Variants in LYRM4 observed in about 807,000 individuals in gnomAD.
LYRM4 encodes LYR motif containing 4.
LYRM4 carries 9 observed loss-of-function variants against 11.7 expected under a neutral mutation model. The observed-to-expected ratio is 0.77, with a 90% CI of 0.46 to 1.34. LYRM4 has a LOEUF of 1.34. Among genes scored for constraint, LYRM4 ranks in the 40% most tolerant of loss-of-function variants. The pLI is 0.00. For synonymous variants in LYRM4, 42 were observed against 40.4 expected (o/e 1.04, Z -0.15); for missense variants, 133 against 112.5 (o/e 1.18, Z -0.82).
chr6:5,059,260 G>C, the LYRM4 span, among the ~76,000 whole-genome samples: 2 of 151,072 alleles, frequency 1.3e-5, no homozygotes, highest in East Asian at 3.9e-4. Context: ...AGGATCCCTT[G>C]AGGCCAGAAG....
chr6:5,187,920 T>C (rs1464689700), intron 2 of LYRM4, among the ~76,000 whole-genome samples: 1 of 152,176 alleles, frequency 6.6e-6, no homozygotes, highest in Non-Finnish European at 1.5e-5. Flanking sequence ...ACACAATCTC[T>C]CTAAATGCAC....
chr6:5,049,145 A>T, the LYRM4 span, among the ~76,000 whole-genome samples: 4 of 152,120 alleles, frequency 2.6e-5, no homozygotes, highest in Admixed American at 2.0e-4. Context: ...CCGCTGTGAG[A>T]CAGACCTGGT....
chr6:5,059,698 T>G, the LYRM4 span, among the ~76,000 whole-genome samples: 194 of 152,104 alleles, frequency 1.3e-3, 1 homozygote, highest in African/African-American at 4.3e-3. Flanking sequence ...TTTCCTCATC[T>G]CCCTTTCCCT....
chr6:5,046,870 G>A, the LYRM4 span, among the ~76,000 whole-genome samples: 2 of 152,096 alleles, frequency 1.3e-5, no homozygotes, highest in Non-Finnish European at 2.9e-5. Context: ...AGGGTGGATC[G>A]CTTGAGCCCA....
At chr6:5,230,576 G>T (rs982582648) in intron 1 of LYRM4, among the ~76,000 whole-genome samples, 5 of 152,116 alleles carry the variant, frequency 3.3e-5, no homozygotes, top group African/African-American at 1.2e-4. Flanking sequence ...AATAATGTAA[G>T]ACATAGCCTT....
the LYRM4 span, among the ~76,000 whole-genome samples, chr6:5,090,326 G>A: frequency 6.6e-6 from 1 of 152,188 alleles, no homozygotes; most frequent in Non-Finnish European, 1.5e-5. This position sits in a 1 kb window ranked among gnomAD's most constrained non-coding sequence, Gnocchi z 4.8. Context: ...AGAAACATGG[G>A]CTGGGAATGT....
chr6:5,088,587 G>T, the LYRM4 span: 1 of 152,336 alleles, frequency 6.6e-6, no homozygotes, highest in South Asian at 2.1e-4. Context: ...GCAGAGACCA[G>T]ATGGCAAAGT....
intron 2 of LYRM4, among the ~76,000 whole-genome samples, chr6:5,116,591 A>C (rs1763128801): frequency 6.6e-6 from 1 of 152,200 alleles, no homozygotes; most frequent in South Asian, 2.1e-4. Context: ...AGGTAGTGCA[A>C]TTAACACCTT....
At chr6:5,233,589 T>C (rs1474855620) in intron 1 of LYRM4, among the ~76,000 whole-genome samples, 1 of 152,304 alleles carries the variant, frequency 6.6e-6, no homozygotes, top group Non-Finnish European at 1.5e-5. Flanking sequence ...AGTACCTTAC[T>C]TGAATCTCAC....
intron 2 of LYRM4, among the ~76,000 whole-genome samples, chr6:5,139,185 C>T (rs192835110): frequency 2.4e-4 from 36 of 152,328 alleles, no homozygotes; most frequent in Middle Eastern, 3.4e-3. Context: ...ATGACAATAG[C>T]TGGTGAGCGG....
chr6:5,251,849 T>C (rs1035589684), intron 1 of LYRM4, among the ~76,000 whole-genome samples: 6 of 152,142 alleles, frequency 3.9e-5, no homozygotes, highest in African/African-American at 1.2e-4. Context: ...CTTTGATGAG[T>C]GAGAGGGCTG....
intron 2 of LYRM4, chr6:5,112,996 T>C (rs1194565432): frequency 1.1e-5 from 2 of 178,458 alleles, no homozygotes; most frequent in African/African-American, 2.4e-5. Context: ...ATGCTCCACT[T>C]GGAGGGAATG....
At chr6:5,118,035 T>C (rs1434063612) in intron 2 of LYRM4, among the ~76,000 whole-genome samples, 1 of 150,390 alleles carries the variant, frequency 6.6e-6, no homozygotes, top group East Asian at 1.9e-4. Flanking sequence ...TACACTTTCA[T>C]GGGGGCTTTG....
chr6:5,229,793 A>T (rs1763124740), intron 1 of LYRM4, among the ~76,000 whole-genome samples: 1 of 152,218 alleles, frequency 6.6e-6, no homozygotes, highest in Admixed American at 6.5e-5. Context: ...ACACTGTCTT[A>T]AAAAATCAAT....
rs1163267090 is a variant in LYRM4 at position 5,109,317 on chromosome 6, C to T, written c.*106G>A. Reference sequence around the variant, plus strand: ...GGTTTATCAGCTCCCACAGGACAGGCAGCGCAAAAGGCTATTGTAAGCTGG... The same window carrying T: ...GGTTTATCAGCTCCCACAGGACAGGTAGCGCAAAAGGCTATTGTAAGCTGG... On this transcript the variant is annotated 3_prime_UTR_variant, in exon 3 of 3. Transcript: ENST00000330636. The T allele has an allele frequency of 4.6e-5, 73 of 1,575,698 alleles. No individual in the cohort carries two copies. Among genetic ancestry groups the T allele is most frequent in the Non-Finnish European group, 6.2e-5 (72 of 1,154,972 alleles).
chr6:5,086,147 A>T, the LYRM4 span: 1 of 1,509,618 alleles, frequency 6.6e-7, no homozygotes, highest in African/African-American at 1.4e-5. Context: ...GTGTGCCTGG[A>T]GCGCGTGCAG....
At chr6:5,142,832 C>T (rs554552196) in intron 2 of LYRM4, among the ~76,000 whole-genome samples, 6 of 152,338 alleles carry the variant, frequency 3.9e-5, no homozygotes, top group South Asian at 2.1e-4. Context: ...TACGCTGCCT[C>T]GTAACTTCAG....
At chr6:5,060,961 C>T in the LYRM4 span, among the ~76,000 whole-genome samples, 1 of 152,136 alleles carries the variant, frequency 6.6e-6, no homozygotes, top group Non-Finnish European at 1.5e-5. Flanking sequence ...TTGAATGCCA[C>T]CTTTATCCTA....
At chr6:5,044,927 C>T in the LYRM4 span, among the ~76,000 whole-genome samples, 1 of 152,338 alleles carries the variant, frequency 6.6e-6, no homozygotes, top group Non-Finnish European at 1.5e-5. Context: ...GTGAGAGCTT[C>T]CACTCCAAAG....
Sources: allele counts gnomAD v4.1 joint callset (sites outside exome capture counted in the v4.1 genomes callset), GRCh38; gene constraint gnomAD v4.1.1; non-coding constraint Gnocchi (gnomAD v3.1); transcripts MANE v1.5; gene names NCBI Gene and HGNC (gene_info 2026-07-23, HGNC 2026-07-21).